Variants in PTPRD observed in about 807,000 individuals in gnomAD.
PTPRD encodes receptor-type tyrosine-protein phosphatase delta.
PTPRD carries 34 observed loss-of-function variants against 214.5 expected under a neutral mutation model. The observed-to-expected ratio is 0.16, with a 90% CI of 0.12 to 0.21. The LOEUF is 0.21. Ranked by LOEUF, PTPRD falls within the 10% of genes least tolerant of loss-of-function variation. PTPRD has a pLI of 1.00. For missense variants in PTPRD, 2,545 were observed against 2,398.7 expected (o/e 1.06, Z -1.27); for synonymous variants, 1,128 against 845.7 (o/e 1.33, Z -5.79).
chr9:8,461,039 T>G (rs1277317189), intron 32 of PTPRD, among the ~76,000 whole-genome samples: 1 of 151,984 alleles, frequency 6.6e-6, no homozygotes, highest in Non-Finnish European at 1.5e-5. Flanking sequence ...CAATGCAAAA[T>G]AAGTCAGTAT....
At chr9:8,591,510 A>C (rs2094105593) in intron 14 of PTPRD, among the ~76,000 whole-genome samples, 1 of 152,202 alleles carries the variant, frequency 6.6e-6, no homozygotes, top group African/African-American at 2.4e-5. Flanking sequence ...TTCAAAAGAT[A>C]AACTGCTTGA....
rs1025683535 is a variant in PTPRD at position 8,750,318 on chromosome 9, C to T, written c.-103-16372G>A. Among the ~76,000 whole-genome samples the T allele has an allele frequency of 8.6e-5, 13 of 151,804 alleles. No individual in the cohort carries two copies. In the South Asian group the frequency reaches 1.0e-3, roughly 12 times the overall value. ...GACTACAGGCGCGGGCCACCACGCC[C>T]GGCTAATTTTTGTATTTTTAGTAGC... On this transcript the variant is annotated intron_variant, in intron 11 of 45. Coordinates refer to ENST00000381196, the MANE Select transcript of PTPRD (RefSeq NM_002839.4).
At chr9:9,706,600 C>A (rs1349649890) in intron 7 of PTPRD, among the ~76,000 whole-genome samples, 3 of 151,912 alleles carry the variant, frequency 2.0e-5, no homozygotes, top group Non-Finnish European at 4.4e-5. Flanking sequence ...CCACCACACC[C>A]AGCTATTTTT....
chr9:9,674,864 T>C (rs1417118383), intron 7 of PTPRD, among the ~76,000 whole-genome samples: 1 of 151,770 alleles, frequency 6.6e-6, no homozygotes. Context: ...AAGAGGATTG[T>C]GAAGTTAATC....
chr9:8,527,678 T>C (rs2139392837), intron 15 of PTPRD, among the ~76,000 whole-genome samples: 1 of 152,210 alleles, frequency 6.6e-6, no homozygotes, highest in Admixed American at 6.6e-5. Context: ...TTATTATATA[T>C]CCCTGTGAAA....
chr9:9,754,169 C>G (rs904226147), intron 6 of PTPRD, among the ~76,000 whole-genome samples: 2 of 152,140 alleles, frequency 1.3e-5, no homozygotes, highest in African/African-American at 4.8e-5. Flanking sequence ...TTCTGTGAAA[C>G]AGAATTAATG....
chr9:9,764,663 C>T (rs1052884528), intron 6 of PTPRD, among the ~76,000 whole-genome samples: 1 of 151,956 alleles, frequency 6.6e-6, no homozygotes, highest in African/African-American at 2.4e-5. Context: ...ACACTTTAGG[C>T]TAATTGTATC....
intron 3 of PTPRD, among the ~76,000 whole-genome samples, chr9:10,251,348 A>G (rs2154369412): frequency 6.6e-6 from 1 of 152,128 alleles, no homozygotes; most frequent in East Asian, 1.9e-4. Flanking sequence ...AATCAAGGTC[A>G]TATGGCTAAA....
chr9:8,383,243 C>A (rs1372743570), intron 37 of PTPRD, among the ~76,000 whole-genome samples: 1 of 152,192 alleles, frequency 6.6e-6, no homozygotes. Context: ...AATGTCTCCA[C>A]CTCACCTTCA....
At chr9:8,938,335 G>A (rs1312684915) in intron 11 of PTPRD, among the ~76,000 whole-genome samples, 2 of 152,046 alleles carry the variant, frequency 1.3e-5, no homozygotes, top group Non-Finnish European at 2.9e-5. Context: ...CAAGATGACA[G>A]AAATGAATTC....
chr9:9,857,531 A>C (rs2061786063), intron 5 of PTPRD, among the ~76,000 whole-genome samples: 1 of 152,142 alleles, frequency 6.6e-6, no homozygotes, highest in Non-Finnish European at 1.5e-5. Flanking sequence ...CATTTCTATC[A>C]CAGAAGCTCA....
At chr9:10,348,261 A>T (rs1210096108) in intron 2 of PTPRD, among the ~76,000 whole-genome samples, 4 of 152,146 alleles carry the variant, frequency 2.6e-5, no homozygotes, top group Non-Finnish European at 5.9e-5. Context: ...TTCTAACTAT[A>T]AACTCTAAAA....
chr9:9,282,459 G>A (rs1173927110), intron 9 of PTPRD, among the ~76,000 whole-genome samples: 1 of 151,260 alleles, frequency 6.6e-6, no homozygotes, highest in Non-Finnish European at 1.5e-5. Context: ...TTATTCTATT[G>A]GATGCTAAAT....
intron 11 of PTPRD, among the ~76,000 whole-genome samples, chr9:8,940,690 G>A (rs2099028107): frequency 6.6e-6 from 1 of 151,926 alleles, no homozygotes; most frequent in African/African-American, 2.4e-5. Flanking sequence ...TGTAATGGTT[G>A]ACCTGCTGGT....
chr9:8,550,025 C>A (rs1303394866), intron 14 of PTPRD, among the ~76,000 whole-genome samples: 1 of 152,016 alleles, frequency 6.6e-6, no homozygotes, highest in Non-Finnish European at 1.5e-5. Flanking sequence ...TGAACTGAAC[C>A]AAGCTCAAAG....
chr9:8,867,681 A>G (rs988444106), intron 11 of PTPRD, among the ~76,000 whole-genome samples: 13 of 152,354 alleles, frequency 8.5e-5, no homozygotes, highest in African/African-American at 3.1e-4. Context: ...TGAAAGCAAT[A>G]ATATTTCATC....
At chr9:10,431,825 T>C (rs1199377162) in intron 2 of PTPRD, among the ~76,000 whole-genome samples, 1 of 152,100 alleles carries the variant, frequency 6.6e-6, no homozygotes, top group Non-Finnish European at 1.5e-5. Flanking sequence ...GGAAGACTTT[T>C]ACACTGTTGG....
Position 9,229,281 on chromosome 9 carries a change from T to C in PTPRD, c.-202-45918A>G, listed in dbSNP as rs2099961566. On this transcript the variant is annotated intron_variant, in intron 9 of 45. Transcript: ENST00000381196. ...GTAATAGTCCTGTAACTGATAAGAT[T>C]TGGATTGCAAACAAGAGTCTTTAGT... is the stretch of plus-strand genomic sequence containing the variant. Among the ~76,000 whole-genome samples, 4 of 152,104 alleles carry C rather than the reference T, an allele frequency of 2.6e-5. No individual in the cohort carries two copies. The South Asian group carries it at 8.3e-4, about 32-fold the overall frequency.
chr9:9,184,889 G>C lies in PTPRD; in HGVS notation c.-202-1526C>G, dbSNP rs2099930389. Reference sequence around the variant, plus strand: ...AAATAGTTATTCCTTCAGGAATAGGGAACATAAGGCTTCATTTAGCACGGG... The same window carrying C: ...AAATAGTTATTCCTTCAGGAATAGGCAACATAAGGCTTCATTTAGCACGGG... On this transcript the variant is annotated intron_variant, in intron 9 of 45. Transcript: ENST00000381196. 2.6e-5 allele frequency among the ~76,000 whole-genome samples: 4 copies of C among 152,166 alleles called. No homozygotes were observed. The South Asian group carries it at 8.3e-4, about 32-fold the overall frequency.
Sources: gnomAD v4.1 joint callset for allele counts (sites outside exome capture counted in the v4.1 genomes callset) on GRCh38, gnomAD v4.1.1 for gene constraint, MANE v1.5 for transcripts, NCBI Gene and HGNC (gene_info 2026-07-23, HGNC 2026-07-21) for gene names.